The following LRP1B variants were observed in gnomAD, a reference collection of about 807,000 sequenced individuals.
The protein encoded by LRP1B is low-density lipoprotein receptor-related protein 1B.
A neutral mutation model predicts 556.6 loss-of-function variants in LRP1B; 217 were observed. The ratio of observed to expected loss-of-function variants is 0.39; its 90% confidence interval spans 0.35 to 0.44. The LOEUF (loss-of-function observed/expected upper bound fraction) is 0.44, where lower values mean the gene tolerates loss of function less well. Among genes scored for constraint, LRP1B ranks in the 20% least tolerant of loss-of-function variants. The probability of loss-of-function intolerance (pLI) is 1.00; values close to 1 mark genes in which losing one functional copy is unlikely to be tolerated. For synonymous variants in LRP1B, 2,047 were observed against 1,865.8 expected, an observed-to-expected ratio of 1.10 and a Z score of -2.50; for missense variants, 5,053 against 5,620.8, an observed-to-expected ratio of 0.90 and a Z score of 3.23.
At chr2:141,500,045 A>T (rs899632218) in intron 2 of LRP1B, among the ~76,000 whole-genome samples, 1 of 152,150 alleles carries the variant, frequency 6.6e-6, no homozygotes, top group Admixed American at 6.6e-5. Context: ...GCCTAAAAGC[A>T]GAGCATACAT....
chr2:140,705,521 C>CAAAAAAAAAAAAAAAAAAA (rs565447198), intron 37 of LRP1B, among the ~76,000 whole-genome samples: 1 of 68,228 alleles, frequency 1.5e-5, no homozygotes, highest in Non-Finnish European at 2.5e-5. Flanking sequence ...GAGACTGTCT[C>CAAAAAAAAAAAAAAAAAAA]AAAAAAAAAA....
intron 3 of LRP1B, among the ~76,000 whole-genome samples, chr2:141,388,563 G>A (rs1444901850): frequency 4.6e-5 from 7 of 152,000 alleles, no homozygotes; most frequent in Admixed American, 3.3e-4. Flanking sequence ...TAACTCAATG[G>A]TGGAAGTTTG....
chr2:141,437,279 G>A (rs1428302091), intron 3 of LRP1B, among the ~76,000 whole-genome samples: 1 of 152,048 alleles, frequency 6.6e-6, no homozygotes, highest in African/African-American at 2.4e-5. Context: ...TTTTGTAATT[G>A]AGAATCAGGA....
chr2:140,907,526 C>T (rs78994277), intron 22 of LRP1B, among the ~76,000 whole-genome samples: 7,870 of 152,090 alleles, frequency 0.052, 236 homozygotes, highest in East Asian at 0.1. Context: ...GAGTTCCATC[C>T]GTAGATGAGG....
intron 3 of LRP1B, among the ~76,000 whole-genome samples, chr2:141,404,026 C>A (rs1009593495): frequency 6.6e-6 from 1 of 152,100 alleles, no homozygotes; most frequent in Admixed American, 6.5e-5. Flanking sequence ...CTATGAGGTA[C>A]TCTACACAGT....
At chr2:141,114,515 T>A (rs137929594) in intron 7 of LRP1B, among the ~76,000 whole-genome samples, 21 of 152,270 alleles carry the variant, frequency 1.4e-4, no homozygotes, top group African/African-American at 4.1e-4. Flanking sequence ...CTCCTGACTG[T>A]CTGTAGCAAA....
chr2:141,726,301 C>A (rs1693030324), intron 2 of LRP1B, among the ~76,000 whole-genome samples: 1 of 151,182 alleles, frequency 6.6e-6, no homozygotes, highest in Admixed American at 6.6e-5. Context: ...ATTATAATCT[C>A]TGGGTAAGAG....
At chr2:141,743,672 C>T (rs77465549) in intron 2 of LRP1B, among the ~76,000 whole-genome samples, 5,387 of 151,816 alleles carry the variant, frequency 0.035, 298 homozygotes, top group African/African-American at 0.12. Context: ...TAGCAAGCAA[C>T]AACACTAAAG....
intron 37 of LRP1B, among the ~76,000 whole-genome samples, chr2:140,709,760 T>C (rs982985997): frequency 1.4e-5 from 2 of 146,926 alleles, no homozygotes; most frequent in African/African-American, 5.0e-5. Context: ...ATTAAAGTAC[T>C]GTACTTTATT....
chr2:140,605,656 C>T (rs1682841097), intron 41 of LRP1B, among the ~76,000 whole-genome samples: 1 of 151,168 alleles, frequency 6.6e-6, no homozygotes, highest in African/African-American at 2.4e-5. Flanking sequence ...GCCTGCCTGC[C>T]TCCGTTTCTT....
At chr2:140,292,396 A>G (rs987492692) in intron 84 of LRP1B, among the ~76,000 whole-genome samples, 2 of 152,196 alleles carry the variant, frequency 1.3e-5, no homozygotes, top group African/African-American at 4.8e-5. Flanking sequence ...TAATAGAAAC[A>G]GGAAAAATAA....
At chr2:140,754,790 A>G (rs907640000) in intron 35 of LRP1B, among the ~76,000 whole-genome samples, 4 of 151,472 alleles carry the variant, frequency 2.6e-5, no homozygotes, top group African/African-American at 7.3e-5. Context: ...ACAGCAAACA[A>G]GCAGAAACAA....
chr2:140,679,530 C>T (rs943137917), intron 41 of LRP1B, among the ~76,000 whole-genome samples: 9 of 151,982 alleles, frequency 5.9e-5, no homozygotes, highest in African/African-American at 1.9e-4. Flanking sequence ...CAGTACGTAG[C>T]GAATGAAGTT....
At chr2:141,165,468 C>A (rs1264869408) in intron 7 of LRP1B, among the ~76,000 whole-genome samples, 1 of 151,970 alleles carries the variant, frequency 6.6e-6, no homozygotes, top group Admixed American at 6.6e-5. Context: ...ATCAGGATTG[C>A]AAGCTAAATT....
At position 140,425,386 on chromosome 2, in the gene LRP1B, T is replaced by C. The variant is rs564992614; in HGVS notation, c.10414+17118A>G. 2.6e-5 allele frequency among the ~76,000 whole-genome samples: 4 copies of C among 152,126 alleles called. No homozygotes were observed. The South Asian group carries it at 6.2e-4, about 24-fold the overall frequency. On this transcript the variant is annotated intron_variant, in intron 66 of 90. Transcript: ENST00000389484. ...TGGAGCCAGATCCCACTGATTCAAT[T>C]ATCTGTTCACCCACTTTCTTCCCCC...
chr2:141,693,854 A>G (rs41493149), intron 2 of LRP1B, among the ~76,000 whole-genome samples: 54,983 of 151,870 alleles, frequency 0.36, 10,780 homozygotes, highest in East Asian at 0.58. Context: ...CAAACTCTGT[A>G]GATGGATAAA....
At chr2:140,263,693 A>T (rs1005621482) in intron 86 of LRP1B, among the ~76,000 whole-genome samples, 1 of 152,098 alleles carries the variant, frequency 6.6e-6, no homozygotes, top group Non-Finnish European at 1.5e-5. Context: ...TATAACAAAG[A>T]TCACCTTTCC....
intron 60 of LRP1B, among the ~76,000 whole-genome samples, chr2:140,467,264 C>A (rs186405536): frequency 6.6e-6 from 1 of 151,990 alleles, no homozygotes; most frequent in East Asian, 1.9e-4. Context: ...ATGGTCTTAA[C>A]GTTGGTGTCT....
At chr2:140,917,319 C>G (rs956995550) in intron 21 of LRP1B, among the ~76,000 whole-genome samples, 1 of 152,026 alleles carries the variant, frequency 6.6e-6, no homozygotes, top group Non-Finnish European at 1.5e-5. Flanking sequence ...ATACTCTGAC[C>G]CTACTATCCT....
Sources: allele counts gnomAD v4.1 joint callset (sites outside exome capture counted in the v4.1 genomes callset), GRCh38; gene constraint gnomAD v4.1.1; transcripts MANE v1.5; gene names NCBI Gene and HGNC (gene_info 2026-07-23, HGNC 2026-07-21).